MED12L: variants seen among roughly 807,000 people sequenced by gnomAD.
MED12L encodes the protein mediator complex subunit 12L, also known as mediator of RNA polymerase II transcription subunit 12-like protein.
In MED12L, 60 loss-of-function variants were observed where a neutral mutation model predicts 281.3. The ratio of observed to expected loss-of-function variants is 0.21; its 90% CI spans 0.17 to 0.26. MED12L has a LOEUF of 0.26. Among genes scored for constraint, MED12L ranks in the 10% least tolerant of loss-of-function variants. MED12L has a pLI of 1.00. For missense variants in MED12L, 2,146 were observed against 2,680.9 expected (o/e 0.80, Z 4.41); for synonymous variants, 974 against 987.2 (o/e 0.99, Z 0.25).
chr3:151,103,514 A>G (rs1308045391), intron 2 of MED12L, among the ~76,000 whole-genome samples: 2 of 152,206 alleles, frequency 1.3e-5, no homozygotes, highest in African/African-American at 2.4e-5. Context: ...TCAACACTTC[A>G]TTCATGGTGG....
chr3:151,127,812 T>C lies in MED12L; in HGVS notation c.397-13T>C. On this transcript the variant is annotated splice_polypyrimidine_tract_variant and intron_variant, in intron 4 of 44. Coordinates refer to ENST00000687756, the MANE Select transcript of MED12L (RefSeq NM_001393769.1). Reference sequence around the variant, plus strand: ...CGTGATTATTATAAATATACTATGTTGTTTCTTTTTAGGTTCCTATCCTTA... The same window carrying C: ...CGTGATTATTATAAATATACTATGTCGTTTCTTTTTAGGTTCCTATCCTTA... 6.5e-7 allele frequency: 1 copy of C among 1,549,372 alleles called. No individual in the cohort carries two copies. Among genetic ancestry groups the C allele is most frequent in the Non-Finnish European group, 8.9e-7 (1 of 1,124,006 alleles).
At chr3:151,206,981 A>G (rs918060943) in intron 16 of MED12L, among the ~76,000 whole-genome samples, 4 of 151,794 alleles carry the variant, frequency 2.6e-5, no homozygotes, top group African/African-American at 9.7e-5. Flanking sequence ...ACACATTTTT[A>G]AAACTTTTTA....
At chr3:151,136,125 C>A (rs1205482761) in intron 5 of MED12L, among the ~76,000 whole-genome samples, 1 of 152,178 alleles carries the variant, frequency 6.6e-6, no homozygotes, top group Non-Finnish European at 1.5e-5. Flanking sequence ...ACTCTTGTAA[C>A]CACTATCCTT....
At chr3:151,224,832 T>C (rs1730165254) in intron 16 of MED12L, among the ~76,000 whole-genome samples, 2 of 152,338 alleles carry the variant, frequency 1.3e-5, no homozygotes, top group Non-Finnish European at 2.9e-5. Flanking sequence ...TTTCCCCTTA[T>C]TGAAATCTGC....
chr3:151,198,483 A>C (rs1188899344), intron 16 of MED12L: 2 of 1,612,122 alleles, frequency 1.2e-6, no homozygotes, highest in Non-Finnish European at 1.7e-6. Flanking sequence ...TCTTTAGGTG[A>C]GGCAAAAGTC....
intron 16 of MED12L, among the ~76,000 whole-genome samples, chr3:151,311,870 CAA>C (rs1041984563): frequency 1.8e-4 from 27 of 152,178 alleles, no homozygotes; most frequent in Admixed American, 9.8e-4. Flanking sequence ...ACTAAAAATA[CAA>C]AAATTAGCCG....
At chr3:151,139,990 A>C (rs1033956230) in intron 5 of MED12L, among the ~76,000 whole-genome samples, 2 of 152,214 alleles carry the variant, frequency 1.3e-5, no homozygotes. Flanking sequence ...TTCCTGGAAG[A>C]TATCTTGCTG....
chr3:151,217,969 A>G (rs1728565497), intron 16 of MED12L, among the ~76,000 whole-genome samples: 1 of 152,180 alleles, frequency 6.6e-6, no homozygotes, highest in South Asian at 2.1e-4. Flanking sequence ...AGGCAGGAAT[A>G]TGTGTTGGAT....
chr3:151,262,921 G>T (rs1739166804), intron 16 of MED12L, among the ~76,000 whole-genome samples: 1 of 152,180 alleles, frequency 6.6e-6, no homozygotes, highest in Non-Finnish European at 1.5e-5. Flanking sequence ...CATTTTGCCT[G>T]AAGACACGTA....
Position 151,158,835 on chromosome 3 carries a change from T to C in MED12L, c.837+36T>C, listed in dbSNP as rs749257948. 2.2e-6 allele frequency: 3 copies of C among 1,366,638 alleles called. No homozygotes were observed. The East Asian group carries it at 6.9e-5, about 31-fold the overall frequency. The allele number at this position is 1,366,638 out of a possible 1,614,324, so 84.7% of individuals were successfully genotyped here. A position where few individuals can be genotyped will look rare whatever the true frequency, so the allele number is the denominator to read the frequency against. ...TGTCCCCTTGAGGCAGTTGGTTTTA[T>C]GGGCAAGAAATGAGCCTGATAAGAA... On this transcript the variant is annotated intron_variant, in intron 7 of 44. Transcript: ENST00000687756.
At chr3:151,225,958 C>T (rs894118541) in intron 16 of MED12L, among the ~76,000 whole-genome samples, 1 of 152,160 alleles carries the variant, frequency 6.6e-6, no homozygotes, top group African/African-American at 2.4e-5. Context: ...CTCCTGTGTA[C>T]CCCTGATATT....
chr3:151,088,485 G>T (rs1261320477), intron 2 of MED12L, among the ~76,000 whole-genome samples: 1 of 152,154 alleles, frequency 6.6e-6, no homozygotes, highest in Non-Finnish European at 1.5e-5. Flanking sequence ...TAGGGACAGG[G>T]ATATTTTGTT....
In MED12L at chr3:151,385,248, T is replaced by A; in HGVS notation, c.5088+57T>A. On this transcript the variant is annotated intron_variant, in intron 36 of 44. Coordinates refer to ENST00000687756, the MANE Select transcript of MED12L (RefSeq NM_001393769.1). Reference sequence around the variant, plus strand: ...TTTATTTACAAAAGATGAAATACTTTTTTTTGTCTTACCATAGGATATATA... The same window carrying A: ...TTTATTTACAAAAGATGAAATACTTATTTTTGTCTTACCATAGGATATATA... 4.3e-6 allele frequency: 4 copies of A among 931,220 alleles called. No individual in the cohort carries two copies. In the East Asian group the frequency reaches 1.1e-4, roughly 26 times the overall value. 57.7% of individuals were successfully genotyped at this position (931,220 alleles called of 1,614,324 possible).
Position 151,338,741 on chromosome 3 carries a change from C to T in MED12L, c.2251-11318C>T, listed in dbSNP as rs753397362. 22 of 1,613,636 alleles carry T rather than the reference C, an allele frequency of 1.4e-5. 2 individuals carry two copies. The South Asian group carries it at 2.4e-4, about 18-fold the overall frequency. On this transcript the variant is annotated intron_variant, in intron 16 of 44. Transcript: ENST00000687756. ...CATTTGTGATAAGTCCAACAAAAAACAGGACAGTGTAGAGCAGTGGGAAGA... is the reference window on the plus strand; with the variant it reads ...CATTTGTGATAAGTCCAACAAAAAATAGGACAGTGTAGAGCAGTGGGAAGA...
intron 16 of MED12L, among the ~76,000 whole-genome samples, chr3:151,223,708 G>A (rs1254373737): frequency 2.0e-5 from 3 of 152,186 alleles, no homozygotes; most frequent in East Asian, 1.9e-4. Context: ...AGGAAGCGGG[G>A]AAATGGTGGA....
rs529650678 is a variant in MED12L at position 151,259,092 on chromosome 3, C to T, written c.2250+65426C>T. On this transcript the variant is annotated intron_variant, in intron 16 of 44. Coordinates refer to ENST00000687756, the MANE Select transcript of MED12L (RefSeq NM_001393769.1). Reference sequence around the variant, plus strand: ...TGGGAAATGACATACTTTAAATATACTGGAATAAGGAGAACCTTTTTTAAC... The same window carrying T: ...TGGGAAATGACATACTTTAAATATATTGGAATAAGGAGAACCTTTTTTAAC... Among the ~76,000 whole-genome samples, 5 of 152,222 alleles carry T rather than the reference C, an allele frequency of 3.3e-5. No individual in the cohort carries two copies. In the South Asian group the frequency reaches 1.0e-3, roughly 32 times the overall value.
chr3:151,404,389 A>G (rs1300415618), intron 39 of MED12L, among the ~76,000 whole-genome samples: 1 of 152,212 alleles, frequency 6.6e-6, no homozygotes, highest in Non-Finnish European at 1.5e-5. Flanking sequence ...TTGATTCCCA[A>G]CCAAGTCGTA....
At chr3:151,134,587 C>T (rs1303119968) in intron 5 of MED12L, among the ~76,000 whole-genome samples, 1 of 152,130 alleles carries the variant, frequency 6.6e-6, no homozygotes, top group Non-Finnish European at 1.5e-5. Context: ...AGGAAGACTT[C>T]ATAGTGACAG....
At chr3:151,213,639 C>T (rs529815467) in intron 16 of MED12L, 26 of 1,613,936 alleles carry the variant, frequency 1.6e-5, no homozygotes, top group South Asian at 4.4e-5. Context: ...TCTTTTTGAC[C>T]GAAGTGGAAT....
Sources: allele counts gnomAD v4.1 joint callset (sites outside exome capture counted in the v4.1 genomes callset), GRCh38; gene constraint gnomAD v4.1.1; transcripts MANE v1.5; gene names NCBI Gene and HGNC (gene_info 2026-07-23, HGNC 2026-07-21).